Variants in CACNA1E observed in about 807,000 individuals in gnomAD.
The protein encoded by CACNA1E is voltage-dependent R-type calcium channel subunit alpha-1E.
Under a neutral mutation model 259.2 loss-of-function variants are expected in CACNA1E, and 40 were observed. That is an observed-to-expected ratio of 0.15 (90% confidence interval 0.12 to 0.20). The LOEUF (loss-of-function observed/expected upper bound fraction) is 0.20, where lower values mean the gene tolerates loss of function less well. CACNA1E is among the 10% of genes least tolerant of loss of function. The pLI is 1.00. For missense variants in CACNA1E, 1,874 were observed against 3,040.1 expected (o/e 0.62, Z 9.02); for synonymous variants, 1,104 against 1,138.5 (o/e 0.97, Z 0.61).
intron 2 of CACNA1E, among the ~76,000 whole-genome samples, chr1:181,474,918 G>A (rs1022820980): frequency 6.6e-6 from 1 of 152,124 alleles, no homozygotes; most frequent in African/African-American, 2.4e-5. Context: ...TGAGTTAGAG[G>A]CACTTAATTT....
chr1:181,339,166 A>G (rs1233862928), intron 1 of CACNA1E, among the ~76,000 whole-genome samples: 1 of 152,040 alleles, frequency 6.6e-6, no homozygotes, highest in African/African-American at 2.4e-5. Flanking sequence ...TTCCATACAG[A>G]TTTTAGAATT....
chr1:181,652,510 T>C (rs1403624028), intron 7 of CACNA1E, among the ~76,000 whole-genome samples: 1 of 152,140 alleles, frequency 6.6e-6, no homozygotes, highest in Non-Finnish European at 1.5e-5. Flanking sequence ...TTTTTGAACA[T>C]AGAAAAAATT....
chr1:181,658,033 T>A (rs986100773), intron 7 of CACNA1E, among the ~76,000 whole-genome samples: 13 of 152,256 alleles, frequency 8.5e-5, no homozygotes, highest in Admixed American at 6.5e-5. Flanking sequence ...ATGTCATGTT[T>A]GTGTAATCTT....
chr1:181,675,745 T>G lies in CACNA1E; in HGVS notation c.1055+24304T>G, dbSNP rs533739208. 1.6e-3 allele frequency among the ~76,000 whole-genome samples: 244 copies of G among 152,166 alleles called. 1 individual carries two copies. Among genetic ancestry groups the G allele is most frequent in the African/African-American group, 5.6e-3 (231 of 41,512 alleles). ...CTTGTCACCCTCTGTGTGTTGGGAGTGTCAAAGCTGCTTGCTCCTGGCTGA... is the reference window on the plus strand; with the variant it reads ...CTTGTCACCCTCTGTGTGTTGGGAGGGTCAAAGCTGCTTGCTCCTGGCTGA... On this transcript the variant is annotated intron_variant, in intron 7 of 47. Coordinates refer to ENST00000367573, the MANE Select transcript of CACNA1E (RefSeq NM_001205293.3).
At chr1:181,363,299 C>T (rs886505446) in intron 1 of CACNA1E, among the ~76,000 whole-genome samples, 4 of 152,126 alleles carry the variant, frequency 2.6e-5, no homozygotes, top group African/African-American at 7.2e-5. Flanking sequence ...CCAAAATGCG[C>T]GTGTGGGATG....
At chr1:181,689,276 C>A (rs926852698) in intron 7 of CACNA1E, among the ~76,000 whole-genome samples, 5 of 152,172 alleles carry the variant, frequency 3.3e-5, no homozygotes, top group Non-Finnish European at 7.3e-5. Context: ...ATGATGGTTT[C>A]CAGCTTCATC....
chr1:181,596,128 A>G (rs2103042681), intron 6 of CACNA1E, among the ~76,000 whole-genome samples: 1 of 152,266 alleles, frequency 6.6e-6, no homozygotes, highest in East Asian at 1.9e-4. Flanking sequence ...TGAGAGAAAG[A>G]GGCCAAAAGA....
chr1:181,526,266 T>C (rs1225106365), intron 3 of CACNA1E, among the ~76,000 whole-genome samples: 2 of 151,974 alleles, frequency 1.3e-5, no homozygotes. Context: ...GCTTAGGTGG[T>C]TCAGTAATTC....
At chr1:181,775,871 G>A (rs533358881) in intron 37 of CACNA1E, among the ~76,000 whole-genome samples, 2 of 152,218 alleles carry the variant, frequency 1.3e-5, no homozygotes, top group East Asian at 1.9e-4. Flanking sequence ...CCAGTTCACC[G>A]ATCCTGGTCT....
At chr1:181,739,696 A>C (rs778170700) in intron 25 of CACNA1E, among the ~76,000 whole-genome samples, 32 of 152,286 alleles carry the variant, frequency 2.1e-4, no homozygotes, top group Non-Finnish European at 7.4e-5. Flanking sequence ...AGGCATGGTG[A>C]GGTTTTCTAT....
At chr1:181,497,403 A>G (rs1472594640) in intron 1 of CACNA1E, among the ~76,000 whole-genome samples, 2 of 152,156 alleles carry the variant, frequency 1.3e-5, no homozygotes, top group Admixed American at 6.5e-5. Flanking sequence ...TTCTCTTTTT[A>G]TCTTACCTTC....
intron 1 of CACNA1E, among the ~76,000 whole-genome samples, chr1:181,491,127 C>T (rs1664279804): frequency 6.6e-6 from 1 of 152,352 alleles, no homozygotes; most frequent in Admixed American, 6.5e-5. Flanking sequence ...TCAACAGTCA[C>T]TCACTAACGT....
chr1:181,373,475 G>C (rs189575709), intron 1 of CACNA1E, among the ~76,000 whole-genome samples: 2 of 151,178 alleles, frequency 1.3e-5, no homozygotes, highest in Non-Finnish European at 2.9e-5. Flanking sequence ...GGGGTTGATG[G>C]TAAGTCACCT....
intron 1 of CACNA1E, among the ~76,000 whole-genome samples, chr1:181,329,698 C>G (rs534887787): frequency 6.6e-6 from 1 of 152,320 alleles, no homozygotes; most frequent in East Asian, 1.9e-4. Context: ...CCACCCCTCA[C>G]CCTAGCCCAT....
chr1:181,366,125 T>G (rs1004329024), intron 1 of CACNA1E, among the ~76,000 whole-genome samples: 1 of 152,180 alleles, frequency 6.6e-6, no homozygotes, highest in Non-Finnish European at 1.5e-5. Flanking sequence ...AGGACTCCCC[T>G]TGGGGACCTG....
chr1:181,572,750 T>C (rs1650540916), intron 3 of CACNA1E, among the ~76,000 whole-genome samples: 2 of 152,154 alleles, frequency 1.3e-5, no homozygotes, highest in Non-Finnish European at 2.9e-5. Context: ...TGTGTGTGTC[T>C]CTCCATGTGT....
Position 181,616,733 on chromosome 1 carries a change from A to AACAAG in CACNA1E, c.952-34605_952-34604insACAAG, listed in dbSNP as rs556921397. 6.9e-3 allele frequency among the ~76,000 whole-genome samples: 1,044 copies of AACAAG among 152,164 alleles called. 18 individuals carry two copies. Among genetic ancestry groups the AACAAG allele is most frequent in the African/African-American group, 0.024 (1,003 of 41,504 alleles). The stretch of plus-strand genomic sequence containing the variant: ...ATCTCAAAAAAACAAAACAAAACAA[A>AACAAG]CAAACAAAAAAAAAGGAGGTGGGGG... On this transcript the variant is annotated intron_variant, in intron 6 of 47. Transcript: ENST00000367573.
At chr1:181,733,137 A>G in intron 20 of CACNA1E, 103 bp downstream of exon 20, 2 of 1,394,128 alleles carry the variant, frequency 1.4e-6, no homozygotes, top group Non-Finnish European at 1.9e-6. Flanking sequence ...CTATTATAAA[A>G]TGGAAATGAT....
At position 181,733,422 on chromosome 1, in the gene CACNA1E, C is replaced by T. The variant is rs1288442829; in HGVS notation, c.2949-15C>T. Reference sequence around the variant, plus strand: ...AGCGTCTGAGCACCAGCTCTCTCTTCCTCTCTCTTCACAGGACCAACAGTC... The same window carrying T: ...AGCGTCTGAGCACCAGCTCTCTCTTTCTCTCTCTTCACAGGACCAACAGTC... On this transcript the variant is annotated splice_polypyrimidine_tract_variant and intron_variant, in intron 20 of 47. Coordinates refer to ENST00000367573, the MANE Select transcript of CACNA1E (RefSeq NM_001205293.3). 6.7e-7 allele frequency: 1 copy of T among 1,498,474 alleles called. No homozygotes were observed. The highest frequency in any genetic ancestry group is 8.9e-7 in the Non-Finnish European group (1 of 1,123,372). The allele number at this position is 1,498,474 out of a possible 1,614,324, so 92.8% of individuals were successfully genotyped here. A position where few individuals can be genotyped will look rare whatever the true frequency, so the allele number is the denominator to read the frequency against.
Sources: gnomAD v4.1 joint callset for allele counts (sites outside exome capture counted in the v4.1 genomes callset) on GRCh38, gnomAD v4.1.1 for gene constraint, MANE v1.5 for transcripts, NCBI Gene and HGNC (gene_info 2026-07-23, HGNC 2026-07-21) for gene names.